The following LRMDA variants were observed in gnomAD, a reference collection of about 807,000 sequenced individuals.
LRMDA encodes the protein leucine-rich melanocyte differentiation-associated protein.
Under a neutral mutation model 29.8 loss-of-function variants are expected in LRMDA, and 18 were observed. The observed-to-expected ratio is 0.60, with a 90% confidence interval of 0.42 to 0.90. LRMDA has a LOEUF of 0.90. LRMDA is among the 40% of genes least tolerant of loss of function. The pLI, the probability that LRMDA is intolerant of heterozygous loss-of-function variation, is 0.00. For synonymous variants in LRMDA, 125 were observed against 109.4 expected, an observed-to-expected ratio of 1.14 and a Z score of -0.89; for missense variants, 273 against 273.9, an observed-to-expected ratio of 1.00 and a Z score of 0.02.
At chr10:75,489,183 C>T (rs1236743753) in intron 2 of LRMDA, among the ~76,000 whole-genome samples, 8 of 150,742 alleles carry the variant, frequency 5.3e-5, no homozygotes, top group African/African-American at 2.0e-4. Context: ...ACAGCAGTCA[C>T]CCCATTGTGG....
intron 2 of LRMDA, among the ~76,000 whole-genome samples, chr10:75,919,306 T>G (rs372529005): frequency 6.6e-6 from 1 of 152,182 alleles, no homozygotes; most frequent in Non-Finnish European, 1.5e-5. Context: ...AACAGGAGAA[T>G]AGTGAAGGCT....
intron 2 of LRMDA, among the ~76,000 whole-genome samples, chr10:75,882,194 C>T (rs549017675): frequency 5.3e-5 from 8 of 152,016 alleles, no homozygotes; most frequent in South Asian, 2.1e-4. Context: ...CCTGGGGAGG[C>T]GAGCAGGGTC....
rs867675258 is a variant in LRMDA at position 76,432,401 on chromosome 10, G to T, written c.601+107916G>T. 3.3e-5 allele frequency among the ~76,000 whole-genome samples: 5 copies of T among 152,204 alleles called. No homozygotes were observed. In the Middle Eastern group the frequency reaches 0.014, roughly 414 times the overall value. On this transcript the variant is annotated intron_variant, in intron 6 of 6. Transcript: ENST00000611255. ...TCCCTACAATTTCTCTGTCTCCCATGCCTCACCCAAAGCAACATTTGGCCT... is the reference window on the plus strand; with the variant it reads ...TCCCTACAATTTCTCTGTCTCCCATTCCTCACCCAAAGCAACATTTGGCCT...
intron 2 of LRMDA, among the ~76,000 whole-genome samples, chr10:75,559,730 C>T (rs1290048186): frequency 6.9e-6 from 1 of 144,538 alleles, no homozygotes; most frequent in Non-Finnish European, 1.5e-5. Flanking sequence ...GGAAGGGATC[C>T]AGTTTCAGCT....
chr10:76,174,248 G>T (rs1306840355), intron 5 of LRMDA, among the ~76,000 whole-genome samples: 1 of 151,800 alleles, frequency 6.6e-6, no homozygotes, highest in Non-Finnish European at 1.5e-5. Context: ...AACATATCAT[G>T]TACCCCATAA....
rs556794165 is a variant in LRMDA at position 75,857,053 on chromosome 10, C to T, written c.132-178955C>T. On this transcript the variant is annotated intron_variant, in intron 2 of 6. Coordinates refer to ENST00000611255, the MANE Select transcript of LRMDA (RefSeq NM_001305581.2). ...TACACCAATAACAGACAAAAATGAG[C>T]GATTTAAACTTACTCCCTGGCATGT... 4.6e-5 allele frequency among the ~76,000 whole-genome samples: 7 copies of T among 152,146 alleles called. No homozygotes were observed. In the South Asian group the frequency reaches 1.0e-3, roughly 23 times the overall value.
chr10:76,374,091 T>G (rs1841487379), intron 6 of LRMDA, among the ~76,000 whole-genome samples: 1 of 152,212 alleles, frequency 6.6e-6, no homozygotes, highest in South Asian at 2.1e-4. Context: ...ACCCCTCCCA[T>G]GTTGACAATC....
intron 2 of LRMDA, among the ~76,000 whole-genome samples, chr10:75,819,236 A>G (rs998354075): frequency 6.6e-6 from 1 of 152,200 alleles, no homozygotes; most frequent in Non-Finnish European, 1.5e-5. Context: ...AAGGTGGGAA[A>G]GTGGCATTAT....
intron 4 of LRMDA, among the ~76,000 whole-genome samples, chr10:76,056,718 G>T (rs771904131): frequency 2.6e-5 from 4 of 152,216 alleles, no homozygotes; most frequent in Non-Finnish European, 5.9e-5. Context: ...GGCATTGGGA[G>T]TCGGGAGAGG....
Position 75,735,991 on chromosome 10 carries a change from G to T in LRMDA, c.131+297497G>T, listed in dbSNP as rs1235223947. Reference sequence around the variant, plus strand: ...GGATGGCAGCTGGGCAAAAGGGTAAGATAGTGAGAGGAGGACAGGGCCAGA... The same window carrying T: ...GGATGGCAGCTGGGCAAAAGGGTAATATAGTGAGAGGAGGACAGGGCCAGA... On this transcript the variant is annotated intron_variant, in intron 2 of 6. Transcript: ENST00000611255. Among the ~76,000 whole-genome samples, 8 of 152,124 alleles carry T rather than the reference G, an allele frequency of 5.3e-5. No homozygotes were observed. In the South Asian group the frequency reaches 1.0e-3, roughly 20 times the overall value.
chr10:75,766,032 A>G (rs574673151), intron 2 of LRMDA, among the ~76,000 whole-genome samples: 1 of 152,312 alleles, frequency 6.6e-6, no homozygotes, highest in Admixed American at 6.5e-5. Context: ...ACTACACGCT[A>G]TCCTAAAAAA....
At chr10:75,517,628 C>T (rs1054739089) in intron 2 of LRMDA, among the ~76,000 whole-genome samples, 7 of 152,164 alleles carry the variant, frequency 4.6e-5, no homozygotes, top group Non-Finnish European at 7.3e-5. Context: ...TCTAAATATA[C>T]AGTCATGTCA....
At chr10:76,140,425 C>T (rs1293961127) in intron 5 of LRMDA, among the ~76,000 whole-genome samples, 1 of 152,070 alleles carries the variant, frequency 6.6e-6, no homozygotes, top group East Asian at 1.9e-4. Flanking sequence ...CCCTCCACTC[C>T]CACCCAACAT....
At chr10:76,416,354 A>C (rs1312158836) in intron 6 of LRMDA, among the ~76,000 whole-genome samples, 1 of 152,224 alleles carries the variant, frequency 6.6e-6, no homozygotes, top group African/African-American at 2.4e-5. Flanking sequence ...TAAAGAAATT[A>C]AAATTAACAC....
chr10:76,246,279 AT>A (rs1204915782), intron 5 of LRMDA, among the ~76,000 whole-genome samples: 1 of 152,198 alleles, frequency 6.6e-6, no homozygotes, highest in African/African-American at 2.4e-5. Flanking sequence ...AAGGGAGGAA[AT>A]GAAACTCAAA....
chr10:76,348,887 T>A (rs992564572), intron 6 of LRMDA, among the ~76,000 whole-genome samples: 12 of 152,078 alleles, frequency 7.9e-5, no homozygotes, highest in African/African-American at 2.9e-4. Context: ...TGGGGACAAA[T>A]GGGGTTTGGT....
At chr10:75,762,109 G>A (rs1222350203) in intron 2 of LRMDA, among the ~76,000 whole-genome samples, 1 of 152,190 alleles carries the variant, frequency 6.6e-6, no homozygotes, top group African/African-American at 2.4e-5. Context: ...CACCATGCCA[G>A]GCCTGGCATA....
chr10:75,454,438 T>G (rs1844492477), intron 2 of LRMDA, among the ~76,000 whole-genome samples: 3 of 152,242 alleles, frequency 2.0e-5, no homozygotes, highest in African/African-American at 7.2e-5. Context: ...TAGTTCCAAG[T>G]ACTCAGCATG....
At chr10:76,401,563 CAT>C (rs1005715788) in intron 6 of LRMDA, among the ~76,000 whole-genome samples, 8 of 152,142 alleles carry the variant, frequency 5.3e-5, no homozygotes, top group African/African-American at 1.9e-4. Context: ...GCCTCCCTGA[CAT>C]AGATTCTAAC....
Sources: allele counts gnomAD v4.1 joint callset (sites outside exome capture counted in the v4.1 genomes callset), GRCh38; gene constraint gnomAD v4.1.1; transcripts MANE v1.5; gene names NCBI Gene and HGNC (gene_info 2026-07-23, HGNC 2026-07-21).